AMY2B: variants seen among roughly 807,000 people sequenced by gnomAD.
AMY2B encodes alpha-amylase 2B.
Under a neutral mutation model 59.3 loss-of-function variants are expected in AMY2B, and 63 were observed. That is an observed-to-expected ratio of 1.06 (90% CI 0.87 to 1.31). AMY2B has a LOEUF of 1.31. Among genes scored for constraint, AMY2B ranks in the 50% most tolerant of loss-of-function variants. The pLI is 0.00. For synonymous variants in AMY2B, 180 were observed against 198.1 expected (o/e 0.91, Z 0.77); for missense variants, 635 against 626.7 (o/e 1.01, Z -0.14).
chr1:103,562,667 C>G (rs1301173004), intron 1 of AMY2B, among the ~76,000 whole-genome samples: 1 of 135,668 alleles, frequency 7.4e-6, no homozygotes, highest in Non-Finnish European at 1.6e-5. Context: ...TAATAGATAA[C>G]TTGTCTTTTT....
rs1570649313 is a variant in AMY2B at position 103,575,447 on chromosome 1, T to C, written c.1008T>C (p.Tyr336=). 10 of 1,613,606 alleles carry C rather than the reference T, an allele frequency of 6.2e-6. No individual in the cohort carries two copies. The highest frequency in any genetic ancestry group is 8.5e-6 in the Non-Finnish European group (10 of 1,179,702). The change falls in exon 7 of 10, where the codon TAT becomes TAC. Residue 336 remains tyrosine (Y), a synonymous_variant. Transcript: ENST00000684275. ...ATAATTATGTAACTTTCAGGCTGTA[T>C]AAAATGGCAGTTGGATTTATGCTTG... ...SILTFWDARL[Y]KMAVGFMLAH... is the part of the protein sequence containing the mutation.
intron 1 of AMY2B, among the ~76,000 whole-genome samples, chr1:103,564,426 T>C (rs76496910): frequency 5.5e-4 from 84 of 152,270 alleles, no homozygotes; most frequent in African/African-American, 1.9e-3. Flanking sequence ...CCGTATCCAG[T>C]TAGTTTGTTG....
In AMY2B at chr1:103,573,178, T is replaced by C; in HGVS notation, c.431T>C (p.Val144Ala). Residue 144 changes from valine to alanine, a missense_variant, in exon 3 of 10, where the codon GTC (valine) becomes GCC (alanine). Coordinates refer to ENST00000684275, the MANE Select transcript of AMY2B (RefSeq NM_001387437.1). ...FNPGSRDFPA[V>A]PYSGWDFNDG... Reference sequence around the variant, plus strand: ...CCTGGAAGTAGGGACTTTCCAGCAGTCCCATATTCTGGATGGGATTTTAAT... The same window carrying C: ...CCTGGAAGTAGGGACTTTCCAGCAGCCCCATATTCTGGATGGGATTTTAAT... 3.1e-6 allele frequency: 5 copies of C among 1,613,786 alleles called. No homozygotes were observed. Among genetic ancestry groups the C allele is most frequent in the Non-Finnish European group, 4.2e-6 (5 of 1,179,710 alleles).
Position 103,573,753 on chromosome 1 carries a change from A to C in AMY2B, c.559A>C (p.Lys187Gln), listed in dbSNP as rs142284584. 1.3e-4 allele frequency: 213 copies of C among 1,613,680 alleles called. No individual in the cohort carries two copies. The highest frequency in any genetic ancestry group is 1.7e-4 in the Non-Finnish European group (202 of 1,179,764). Reference sequence around the variant, plus strand: ...TGGTCTTCTTGATCTTGCACTGGAGAAAGATTATGTGCGTTCCAAGATTGC... The same window carrying C: ...TGGTCTTCTTGATCTTGCACTGGAGCAAGATTATGTGCGTTCCAAGATTGC... ...LVGLLDLALE[K>Q]DYVRSKIAEY... Residue 187 changes from lysine (K) to glutamine (Q), a missense_variant, in exon 4 of 10, where the codon AAA becomes CAA. Transcript: ENST00000684275.
At chr1:103,558,193 T>C (rs2101059614) in intron 1 of AMY2B, among the ~76,000 whole-genome samples, 1 of 152,312 alleles carries the variant, frequency 6.6e-6, no homozygotes, top group South Asian at 2.1e-4. Flanking sequence ...CTTTGGGGAG[T>C]TCCCGATTGC....
At chr1:103,570,351 A>C, upstream of AMY2B, 2 of 707,790 alleles carry the variant, frequency 2.8e-6, no homozygotes, top group South Asian at 2.7e-5. Context: ...TCCTTCCTGG[A>C]CATGGAATCT....
At chr1:103,578,019 A>G (rs939728587) in intron 9 of AMY2B, among the ~76,000 whole-genome samples, 174 bp downstream of exon 9, 1 of 152,188 alleles carries the variant, frequency 6.6e-6, no homozygotes, top group Non-Finnish European at 1.5e-5. Context: ...TTACTCCTTC[A>G]TTCTCCTGTT....
intron 1 of AMY2B, among the ~76,000 whole-genome samples, chr1:103,555,732 T>C (rs1351678136): frequency 1.3e-5 from 2 of 152,134 alleles, no homozygotes; most frequent in South Asian, 2.1e-4. Flanking sequence ...GAATTTAATA[T>C]AGTGAGTATC....
At position 103,574,155 on chromosome 1, in the gene AMY2B, A is replaced by G. The variant is rs549681334; in HGVS notation, c.745-105A>G. 60 of 1,517,494 alleles carry G rather than the reference A, an allele frequency of 4.0e-5. 2 individuals carry two copies. The East Asian group carries it at 1.3e-3, about 32-fold the overall frequency. The allele number at this position is 1,517,494 out of a possible 1,614,324, so 94.0% of individuals were successfully genotyped here. A position where few individuals can be genotyped will look rare whatever the true frequency, so the allele number is the denominator to read the frequency against. On this transcript the variant is annotated intron_variant, in intron 4 of 9. Coordinates refer to ENST00000684275, the MANE Select transcript of AMY2B (RefSeq NM_001387437.1). ...ATAATAAATAGCTTAATTTATTAAT[A>G]AATAACAAATAGCTTAAAGCTATCT...
intron 9 of AMY2B, 142 bp downstream of exon 9, chr1:103,577,987 A>C (rs1652431332): frequency 6.7e-7 from 1 of 1,503,466 alleles, no homozygotes; most frequent in Non-Finnish European, 8.8e-7. Context: ...AAAATTGGGC[A>C]GAAGTAAAAA....
intron 2 of AMY2B, 73 bp from the exon 3 acceptor site, chr1:103,572,990 A>C: frequency 6.2e-7 from 1 of 1,610,022 alleles, no homozygotes; most frequent in South Asian, 1.1e-5. Context: ...AACATACTAT[A>C]AACTTGAATC....
intron 6 of AMY2B, 46 bp downstream of exon 6, chr1:103,575,391 T>A: frequency 6.2e-7 from 1 of 1,612,782 alleles, no homozygotes; most frequent in East Asian, 2.2e-5. Flanking sequence ...CTTTTAATGA[T>A]GGTAATGATA....
At chr1:103,572,067 T>C (rs1439635674) in intron 1 of AMY2B, 43 bp from the exon 2 acceptor site, 34 of 1,611,066 alleles carry the variant, frequency 2.1e-5, no homozygotes, top group Middle Eastern at 2.3e-4. Flanking sequence ...TTCAATGATA[T>C]AGAGTAAGAA....
chr1:103,575,205 C>G lies in AMY2B; in HGVS notation c.879-18C>G. 1 of 1,613,032 alleles carries G rather than the reference C, an allele frequency of 6.2e-7. No individual in the cohort carries two copies. Among genetic ancestry groups the G allele is most frequent in the South Asian group, 1.1e-5 (1 of 91,046 alleles). ...TGTGAAATGATACATCAACATATAT[C>G]TTATTTTTCAAAAATAGGAACTGGG... On this transcript the variant is annotated intron_variant, in intron 5 of 9. Coordinates refer to ENST00000684275, the MANE Select transcript of AMY2B (RefSeq NM_001387437.1).
At chr1:103,572,835 T>A (rs1652189946) in intron 2 of AMY2B, among the ~76,000 whole-genome samples, 1 of 152,190 alleles carries the variant, frequency 6.6e-6, no homozygotes, top group South Asian at 2.1e-4. Context: ...AGTTTCTGGT[T>A]CTCTCAATTT....
intron 1 of AMY2B, among the ~76,000 whole-genome samples, chr1:103,564,549 C>T (rs183045045): frequency 5.0e-3 from 755 of 152,172 alleles, no homozygotes; most frequent in Middle Eastern, 0.01. Flanking sequence ...ACTCCCTGTA[C>T]CCCATCATTT....
chr1:103,557,706 C>A (rs1651604867), intron 1 of AMY2B, among the ~76,000 whole-genome samples: 1 of 151,418 alleles, frequency 6.6e-6, no homozygotes, highest in Non-Finnish European at 1.5e-5. Flanking sequence ...TAAAATAGCA[C>A]TTAATATGGT....
At chr1:103,569,443 G>A (rs1652031491), upstream of AMY2B, 1 of 224,886 alleles carries the variant, frequency 4.4e-6, no homozygotes, top group African/African-American at 2.3e-5. Context: ...TACACTGCCA[G>A]AGGTTTAAAA....
intron 1 of AMY2B, among the ~76,000 whole-genome samples, chr1:103,562,672 CT>C (rs373215753): frequency 0.081 from 9,024 of 111,850 alleles, 162 homozygotes; most frequent in African/African-American, 0.11. Flanking sequence ...GATAACTTGT[CT>C]TTTTTTTTTT....
Sources: allele counts gnomAD v4.1 joint callset (sites outside exome capture counted in the v4.1 genomes callset), GRCh38; gene constraint gnomAD v4.1.1; transcripts MANE v1.5; gene names NCBI Gene and HGNC (gene_info 2026-07-23, HGNC 2026-07-21).